Variants in GRIK2 observed in about 807,000 individuals in gnomAD.
GRIK2 encodes the protein glutamate receptor ionotropic, kainate 2.
Under a neutral mutation model 100.3 loss-of-function variants are expected in GRIK2, and 32 were observed. The ratio of observed to expected loss-of-function variants is 0.32; its 90% confidence interval spans 0.24 to 0.43. The LOEUF is 0.43. Ranked by LOEUF, GRIK2 falls within the 20% of genes least tolerant of loss-of-function variation. GRIK2 has a pLI of 1.00. For missense variants in GRIK2, 843 were observed against 1,114.9 expected (o/e 0.76, Z 3.47); for synonymous variants, 417 against 389.4 (o/e 1.07, Z -0.83).
chr6:101,563,196 G>C (rs1418302640), intron 2 of GRIK2, among the ~76,000 whole-genome samples: 1 of 152,096 alleles, frequency 6.6e-6, no homozygotes, highest in East Asian at 1.9e-4. Flanking sequence ...GAGGCATGAA[G>C]GATAAGACAG....
At chr6:101,703,686 A>G (rs971744770) in intron 7 of GRIK2, among the ~76,000 whole-genome samples, 1 of 151,786 alleles carries the variant, frequency 6.6e-6, no homozygotes, top group African/African-American at 2.4e-5. Flanking sequence ...GAATTAAGGC[A>G]TGTTTATATA....
intron 11 of GRIK2, among the ~76,000 whole-genome samples, chr6:101,868,112 T>C (rs1169252643): frequency 6.7e-6 from 1 of 150,048 alleles, no homozygotes; most frequent in Non-Finnish European, 1.5e-5. Context: ...TCCATCCTAT[T>C]AATAATTTTG....
At chr6:102,000,726 A>T (rs1160681752) in intron 14 of GRIK2, among the ~76,000 whole-genome samples, 1 of 152,060 alleles carries the variant, frequency 6.6e-6, no homozygotes, top group Non-Finnish European at 1.5e-5. Flanking sequence ...TAAAATCTAC[A>T]ATGGTGTCAC....
chr6:102,023,343 T>TA lies in GRIK2; in HGVS notation c.2086-11991dup, dbSNP rs573848555. On this transcript the variant is annotated intron_variant, in intron 14 of 16. Transcript: ENST00000369134. The stretch of plus-strand genomic sequence containing the variant: ...AATGTTGTCAGTAAAAAGGGAGGGG[T>TA]AAAAAAAGAAAGAAATAATTATATA... 4.0e-5 allele frequency among the ~76,000 whole-genome samples: 6 copies of TA among 150,030 alleles called. No homozygotes were observed. The South Asian group carries it at 1.3e-3, about 31-fold the overall frequency.
intron 14 of GRIK2, among the ~76,000 whole-genome samples, chr6:101,976,923 A>G (rs12214566): frequency 1.3e-5 from 2 of 151,926 alleles, no homozygotes; most frequent in Non-Finnish European, 2.9e-5. Flanking sequence ...ATAGTGGAAT[A>G]GTGGAATGGA....
intron 2 of GRIK2, among the ~76,000 whole-genome samples, chr6:101,612,062 C>G (rs933722942): frequency 1.3e-5 from 2 of 151,806 alleles, no homozygotes; most frequent in East Asian, 1.9e-4. Flanking sequence ...AGAAGCAATA[C>G]AGAATGGCAA....
chr6:102,047,041 A>T (rs1770928139), intron 15 of GRIK2, among the ~76,000 whole-genome samples: 1 of 152,144 alleles, frequency 6.6e-6, no homozygotes, highest in South Asian at 2.1e-4. Context: ...ATATATCAAA[A>T]CCTACAGAAT....
At chr6:101,602,339 G>A (rs1779256140) in intron 2 of GRIK2, among the ~76,000 whole-genome samples, 1 of 150,892 alleles carries the variant, frequency 6.6e-6, no homozygotes, top group Non-Finnish European at 1.5e-5. Context: ...GACTTGCTTT[G>A]TGACCAAGCA....
intron 14 of GRIK2, among the ~76,000 whole-genome samples, chr6:101,982,087 A>G (rs955651589): frequency 7.9e-5 from 12 of 151,958 alleles, no homozygotes; most frequent in African/African-American, 2.9e-4. Flanking sequence ...TGAAGAACAC[A>G]GTGATACTAG....
At chr6:101,435,981 A>C (rs879641820) in intron 2 of GRIK2, among the ~76,000 whole-genome samples, 4 of 152,038 alleles carry the variant, frequency 2.6e-5, no homozygotes, top group Admixed American at 2.6e-4. Context: ...CTTTTATTTC[A>C]TATGGAAATA....
intron 2 of GRIK2, among the ~76,000 whole-genome samples, chr6:101,480,926 TGTAA>T (rs1772496009): frequency 6.6e-6 from 1 of 152,104 alleles, no homozygotes. Flanking sequence ...AGAGTAACCA[TGTAA>T]GTAAGCAAAA....
At chr6:101,938,545 A>T (rs757372557) in intron 14 of GRIK2, among the ~76,000 whole-genome samples, 1 of 152,120 alleles carries the variant, frequency 6.6e-6, no homozygotes, top group Non-Finnish European at 1.5e-5. Context: ...AACAACTTGA[A>T]TCTTTGTTTT....
intron 16 of GRIK2, chr6:102,066,009 T>A: frequency 1.4e-6 from 1 of 710,040 alleles, no homozygotes; most frequent in Non-Finnish European, 2.1e-6. Context: ...GAAATATAAT[T>A]CATGAATTGC....
chr6:101,592,697 C>T (rs1778730935), intron 2 of GRIK2, among the ~76,000 whole-genome samples: 1 of 146,884 alleles, frequency 6.8e-6, no homozygotes, highest in Non-Finnish European at 1.5e-5. Context: ...CAGAATTGTT[C>T]AGCAATAAAT....
At chr6:101,853,476 T>C (rs1446149888) in intron 10 of GRIK2, among the ~76,000 whole-genome samples, 1 of 152,158 alleles carries the variant, frequency 6.6e-6, no homozygotes, top group African/African-American at 2.4e-5. Context: ...AGCCTCTCAT[T>C]TCTTATTGGT....
At chr6:101,394,008 G>T (rs931782108) in intron 1 of GRIK2, among the ~76,000 whole-genome samples, 171 bp downstream of exon 1, 135 of 152,362 alleles carry the variant, frequency 8.9e-4, no homozygotes, top group African/African-American at 3.1e-3. Flanking sequence ...CCGCTGGACG[G>T]ATTCACTGCG....
chr6:101,939,537 C>A (rs1790825316), intron 14 of GRIK2, among the ~76,000 whole-genome samples: 1 of 152,000 alleles, frequency 6.6e-6, no homozygotes, highest in Admixed American at 6.6e-5. Flanking sequence ...ATAATTTGGT[C>A]CTGATTTTAG....
chr6:101,717,394 G>A (rs556747451), intron 7 of GRIK2, among the ~76,000 whole-genome samples: 2 of 151,758 alleles, frequency 1.3e-5, no homozygotes, highest in South Asian at 4.2e-4. Flanking sequence ...CGGTGTTAAC[G>A]CTGACAATAT....
chr6:101,690,576 T>A (rs2128346464), intron 7 of GRIK2, among the ~76,000 whole-genome samples: 2 of 152,256 alleles, frequency 1.3e-5, no homozygotes, highest in African/African-American at 4.8e-5. Flanking sequence ...CTAGTATGAT[T>A]TTTTTCAGAA....
Sources: allele counts gnomAD v4.1 joint callset (sites outside exome capture counted in the v4.1 genomes callset), GRCh38; gene constraint gnomAD v4.1.1; transcripts MANE v1.5; gene names NCBI Gene and HGNC (gene_info 2026-07-23, HGNC 2026-07-21).